Variants in MGAT4C observed in about 807,000 individuals in gnomAD.
MGAT4C encodes the protein MGAT4 family member C, also known as alpha-1,3-mannosyl-glycoprotein 4-beta-N-acetylglucosaminyltransferase C.
MGAT4C carries 19 observed loss-of-function variants against 40.1 expected under a neutral mutation model. The ratio of observed to expected loss-of-function variants is 0.47; its 90% CI spans 0.33 to 0.70. MGAT4C has a LOEUF of 0.70. Ranked by LOEUF, MGAT4C falls within the 30% of genes least tolerant of loss-of-function variation. The pLI is 0.02. For synonymous variants in MGAT4C, 181 were observed against 187.1 expected (o/e 0.97, Z 0.27); for missense variants, 491 against 563.2 (o/e 0.87, Z 1.30).
intron 2 of MGAT4C, among the ~76,000 whole-genome samples, chr12:86,701,204 T>TA (rs1272728114): frequency 6.6e-6 from 1 of 152,132 alleles, no homozygotes; most frequent in African/African-American, 2.4e-5. Flanking sequence ...TACATAATTT[T>TA]ATCACACTTC....
chr12:86,517,063 A>G (rs933366641), intron 2 of MGAT4C, among the ~76,000 whole-genome samples: 1 of 152,184 alleles, frequency 6.6e-6, no homozygotes, highest in African/African-American at 2.4e-5. Flanking sequence ...GATGTGGATA[A>G]ATTATAACCC....
intron 1 of MGAT4C, among the ~76,000 whole-genome samples, chr12:86,073,527 G>A (rs918926829): frequency 9.9e-5 from 15 of 152,118 alleles, no homozygotes; most frequent in Non-Finnish European, 1.5e-4. Flanking sequence ...GTTGAATGGC[G>A]GCTTTGAACA....
At chr12:86,533,299 T>C (rs190867583) in intron 2 of MGAT4C, among the ~76,000 whole-genome samples, 80 of 152,204 alleles carry the variant, frequency 5.3e-4, no homozygotes, top group African/African-American at 1.8e-3. Context: ...TTCTATAATC[T>C]CAGAAACGTT....
chr12:86,563,935 T>C (rs925808493), intron 2 of MGAT4C, among the ~76,000 whole-genome samples: 1 of 152,166 alleles, frequency 6.6e-6, no homozygotes, highest in African/African-American at 2.4e-5. Context: ...ATCCCCACAT[T>C]GGTTCCCTGG....
intron 2 of MGAT4C, among the ~76,000 whole-genome samples, chr12:86,510,307 A>G (rs952785670): frequency 2.6e-5 from 4 of 152,068 alleles, no homozygotes; most frequent in Non-Finnish European, 4.4e-5. Context: ...TTTTGTCACC[A>G]ACAGGCCTGC....
chr12:86,060,014 G>A (rs1893784225), intron 1 of MGAT4C, among the ~76,000 whole-genome samples: 1 of 152,134 alleles, frequency 6.6e-6, no homozygotes, highest in African/African-American at 2.4e-5. Flanking sequence ...GTTATTTCTT[G>A]GAGGGAGAGA....
At chr12:86,516,194 A>T (rs1958685463) in intron 2 of MGAT4C, among the ~76,000 whole-genome samples, 1 of 152,206 alleles carries the variant, frequency 6.6e-6, no homozygotes, top group South Asian at 2.1e-4. Flanking sequence ...ATACTACATG[A>T]TTTAAAAACT....
intron 1 of MGAT4C, among the ~76,000 whole-genome samples, chr12:86,821,405 G>A (rs190261951): frequency 6.6e-6 from 1 of 150,896 alleles, no homozygotes; most frequent in Non-Finnish European, 1.5e-5. Flanking sequence ...TGGAGTATGT[G>A]CAATATTTTG....
chr12:86,730,633 C>G (rs866869196), intron 1 of MGAT4C, among the ~76,000 whole-genome samples: 31 of 151,824 alleles, frequency 2.0e-4, no homozygotes, highest in African/African-American at 7.3e-4. Context: ...TACAAAGAGC[C>G]AGAAAAAGAG....
At chr12:86,199,532 T>C (rs1949958624) in intron 1 of MGAT4C, among the ~76,000 whole-genome samples, 2 of 152,178 alleles carry the variant, frequency 1.3e-5, no homozygotes, top group Non-Finnish European at 2.9e-5. Flanking sequence ...TTAATGTGTG[T>C]GTTTTTTATG....
Position 85,979,664 on chromosome 12 carries a change from A to C in MGAT4C, c.1062T>G (p.Asn354Lys). Residue 354 changes from asparagine to lysine, a missense_variant, in exon 5 of 5, where the codon AAT becomes AAG. Physicochemically the swap from Asn to Lys is moderately conservative, Grantham distance 94. Coordinates refer to ENST00000611864, the MANE Select transcript of MGAT4C (RefSeq NM_001351288.2). ...SLYTNMNVFE[N>K]YEASKAYSSV... ...TACTGTAAGCCTTGCTTGCTTCATA[A>C]TTTTCAAACACATTCATGTTGGTGT... 1 of 1,613,110 alleles carries C rather than the reference A, an allele frequency of 6.2e-7. No homozygotes were observed. Among genetic ancestry groups the C allele is most frequent in the Non-Finnish European group, 8.5e-7 (1 of 1,179,752 alleles).
At chr12:86,322,769 T>C (rs1954427388) in intron 4 of MGAT4C, among the ~76,000 whole-genome samples, 1 of 152,086 alleles carries the variant, frequency 6.6e-6, no homozygotes, top group Admixed American at 6.6e-5. Context: ...CGTGTTCATA[T>C]ATGAGTCATA....
chr12:86,192,954 C>T (rs1482137215), intron 1 of MGAT4C, among the ~76,000 whole-genome samples: 1 of 152,018 alleles, frequency 6.6e-6, no homozygotes, highest in East Asian at 1.9e-4. Context: ...ATTGCTCTAT[C>T]AAATCTTTCT....
rs61950764 is a variant in MGAT4C, at chr12:86,473,526, G to C, written c.-228-38261C>G. ...ATGTTACAATTAAGAAAAGATCTTG[G>C]ACCTGTCATAAGAAAAGAGACACCA... On this transcript the variant is annotated intron_variant, in intron 2 of 7. Transcript: ENST00000548651. 2.6e-5 allele frequency among the ~76,000 whole-genome samples: 4 copies of C among 152,056 alleles called. No individual in the cohort carries two copies. The East Asian group carries it at 7.7e-4, about 29-fold the overall frequency.
chr12:86,416,231 CT>C (rs953844113), intron 3 of MGAT4C, among the ~76,000 whole-genome samples: 1 of 151,992 alleles, frequency 6.6e-6, no homozygotes, highest in African/African-American at 2.4e-5. Flanking sequence ...AGGATCATGT[CT>C]TCTGGCTGAG....
At chr12:85,985,008 G>C (rs1156514118) in intron 3 of MGAT4C, among the ~76,000 whole-genome samples, 2 of 152,160 alleles carry the variant, frequency 1.3e-5, no homozygotes, top group African/African-American at 4.8e-5. Flanking sequence ...TCAAACTCCT[G>C]ACCTCAAGTG....
intron 2 of MGAT4C, among the ~76,000 whole-genome samples, chr12:86,512,187 C>T (rs529139025): frequency 1.2e-4 from 19 of 152,098 alleles, no homozygotes; most frequent in African/African-American, 3.9e-4. Flanking sequence ...ATCATTAATT[C>T]TCAGGGAAAT....
intron 1 of MGAT4C, among the ~76,000 whole-genome samples, chr12:86,060,976 A>T (rs1436990411): frequency 6.6e-6 from 1 of 152,258 alleles, no homozygotes; most frequent in South Asian, 2.1e-4. Context: ...CAGTTTTTTC[A>T]TCCCCAATAT....
chr12:86,557,961 C>A (rs1392393610), intron 2 of MGAT4C, among the ~76,000 whole-genome samples: 3 of 150,584 alleles, frequency 2.0e-5, no homozygotes, highest in Admixed American at 6.6e-5. Context: ...ATAAACCATA[C>A]AAAGAAATCA....
Sources: allele counts gnomAD v4.1 joint callset (sites outside exome capture counted in the v4.1 genomes callset), GRCh38; gene constraint gnomAD v4.1.1; transcripts MANE v1.5; gene names NCBI Gene and HGNC (gene_info 2026-07-23, HGNC 2026-07-21).